Variants in VPS33A observed in about 807,000 individuals in gnomAD.
VPS33A encodes VPS33A core subunit of CORVET and HOPS complexes, also known as vacuolar protein sorting-associated protein 33A.
In VPS33A, 32 loss-of-function variants were observed where a neutral mutation model predicts 71.8. That is an observed-to-expected ratio of 0.45 (90% confidence interval 0.34 to 0.60). The LOEUF is 0.60. Among genes scored for constraint, VPS33A ranks in the 20% least tolerant of loss-of-function variants. The pLI is 0.02. For missense variants in VPS33A, 625 were observed against 748.5 expected (o/e 0.84, Z 1.92); for synonymous variants, 311 against 292.7 (o/e 1.06, Z -0.64).
Position 122,242,484 on chromosome 12 carries a change from C to G in VPS33A, c.994G>C (p.Gly332Arg), listed in dbSNP as rs1483794759. The G allele has an allele frequency of 6.2e-7, 1 of 1,613,870 alleles. No homozygotes were observed. The highest frequency in any genetic ancestry group is 1.7e-5 in the Admixed American group (1 of 59,980). The change falls in exon 8 of 13, where the codon GGG becomes CGG. Residue 332 changes from glycine to arginine, a missense_variant. Gly to Arg is a moderately radical substitution (Grantham distance 125). Transcript: ENST00000267199. The stretch of plus-strand genomic sequence containing the variant: ...TGGGAAACAAACTGCTTGATCTCCC[C>G]CACGGTCTTAGCATTGTGTCTTTCC... The part of the protein sequence containing the change: ...FEERHNAKTV[G>R]EIKQFVSQLP...
intron 9 of VPS33A, 79 bp from the exon 10 acceptor site, chr12:122,238,803 ACAC>A (rs1425861587): frequency 3.8e-6 from 4 of 1,058,302 alleles, no homozygotes; most frequent in South Asian, 1.7e-5. Flanking sequence ...ACACACACAC[ACAC>A]AATACATGGT....
chr12:122,241,301 CTTTT>C (rs980212846), intron 8 of VPS33A, among the ~76,000 whole-genome samples: 4 of 151,952 alleles, frequency 2.6e-5, no homozygotes, highest in African/African-American at 9.7e-5. Flanking sequence ...CTCTCTTTCT[CTTTT>C]TCTTTCTTTC....
At chr12:122,263,042 G>A (rs561947904) in intron 3 of VPS33A, among the ~76,000 whole-genome samples, 1 of 149,418 alleles carries the variant, frequency 6.7e-6, no homozygotes, top group East Asian at 2.0e-4. Context: ...GCCCAGGCTG[G>A]AGTGCAGTGG....
intron 4 of VPS33A, among the ~76,000 whole-genome samples, chr12:122,252,313 G>A (rs1270339950): frequency 2.0e-5 from 3 of 151,042 alleles, no homozygotes; most frequent in Non-Finnish European, 4.4e-5. Context: ...CTGTCGCCCT[G>A]GCTGGAGTGC....
chr12:122,239,747 CTCA>C lies in VPS33A; in HGVS notation c.1164+128_1164+130del, dbSNP rs1230160402. The C allele has an allele frequency of 6.0e-4, 193 of 324,048 alleles. 7 individuals carry two copies. The highest frequency in any genetic ancestry group is 1.0e-3 in the African/African-American group (18 of 17,216). The allele number at this position is 324,048 out of a possible 1,614,324, so 20.1% of individuals were successfully genotyped here. A position where few individuals can be genotyped will look rare whatever the true frequency, so the allele number is the denominator to read the frequency against. ...TGGGTGACACACAGTGAGACTCCGT[CTCA>C]AAAAAAAAAAAAAAAAAAAAAAAAA... On this transcript the variant is annotated intron_variant, in intron 9 of 12. Transcript: ENST00000267199.
intron 11 of VPS33A, among the ~76,000 whole-genome samples, chr12:122,233,744 T>C (rs975812971): frequency 6.6e-6 from 1 of 152,160 alleles, no homozygotes; most frequent in Non-Finnish European, 1.5e-5. Flanking sequence ...ATCTGTTAAA[T>C]CATTAAATAA....
At chr12:122,246,089 A>G (rs555410865) in intron 6 of VPS33A, among the ~76,000 whole-genome samples, 1 of 152,266 alleles carries the variant, frequency 6.6e-6, no homozygotes, top group African/African-American at 2.4e-5. Context: ...GATGGCATGG[A>G]GCTGGTGTAA....
chr12:122,244,495 G>T, intron 7 of VPS33A, 74 bp downstream of exon 7: 1 of 1,314,968 alleles, frequency 7.6e-7, no homozygotes, highest in Non-Finnish European at 1.0e-6. Context: ...TATTTTTGGA[G>T]CTCTTATTCC....
intron 6 of VPS33A, among the ~76,000 whole-genome samples, chr12:122,245,256 G>C (rs1347965270): frequency 6.6e-6 from 1 of 151,852 alleles, no homozygotes; most frequent in African/African-American, 2.4e-5. Context: ...TGGTGGCTTC[G>C]TTTTATTTTT....
rs558903246 is a variant in VPS33A, at chr12:122,260,695, A to C, written c.483+566T>G. ...GTCTACATGATAAAAGACATTATAC[A>C]CAAAGTTAAGCCAGGCGCGGTGGCT... On this transcript the variant is annotated intron_variant, in intron 4 of 12. Transcript: ENST00000267199. Among the ~76,000 whole-genome samples the C allele has an allele frequency of 2.0e-5, 3 of 152,348 alleles. No individual in the cohort carries two copies. In the South Asian group the frequency reaches 6.2e-4, roughly 32 times the overall value.
Position 122,234,266 on chromosome 12 carries a change from C to CTT in VPS33A, c.1441-1300_1441-1299dup, listed in dbSNP as rs762447495. Among the ~76,000 whole-genome samples, 4 of 151,400 alleles carry CTT rather than the reference C, an allele frequency of 2.6e-5. 1 individual carries two copies. In the South Asian group the frequency reaches 6.3e-4, roughly 24 times the overall value. ...CCCTGATGGCCCTGCTTTTGCATAG[C>CTT]TTTTTTTTTCCCTTTTTCTTTTTCT... On this transcript the variant is annotated intron_variant, in intron 11 of 12. Transcript: ENST00000267199.
chr12:122,242,778 T>C (rs1954732357), intron 7 of VPS33A, among the ~76,000 whole-genome samples: 1 of 152,160 alleles, frequency 6.6e-6, no homozygotes, highest in South Asian at 2.1e-4. Flanking sequence ...GGTCTCGAAC[T>C]CCTGACCTCA....
Position 122,264,053 on chromosome 12 carries a change from A to G in VPS33A, c.168+81T>C, listed in dbSNP as rs938162703. The stretch of plus-strand genomic sequence containing the variant: ...AAACAGCTTTGCAAACCAATGATTC[A>G]GGAAGAAATATAAAATCCTATTGTA... On this transcript the variant is annotated intron_variant, in intron 2 of 12. Transcript: ENST00000267199. 1.4e-5 allele frequency: 18 copies of G among 1,241,994 alleles called. No homozygotes were observed. In the African/African-American group the frequency reaches 2.5e-4, roughly 18 times the overall value. 76.9% of individuals were successfully genotyped at this position (1,241,994 alleles called of 1,614,324 possible). A position where few individuals can be genotyped will look rare whatever the true frequency, so the allele number is the denominator to read the frequency against.
chr12:122,233,097 C>A (rs924048141), intron 11 of VPS33A, 129 bp from the exon 12 acceptor site: 19 of 1,060,686 alleles, frequency 1.8e-5, no homozygotes, highest in Middle Eastern at 3.3e-4. Context: ...CCCTGCCATG[C>A]CTTGTTCTAA....
intron 4 of VPS33A, among the ~76,000 whole-genome samples, chr12:122,257,463 G>C (rs1954934503): frequency 6.7e-6 from 1 of 149,554 alleles, no homozygotes; most frequent in Non-Finnish European, 1.5e-5. Flanking sequence ...CCGGGCGCAG[G>C]TGGAAGCTCA....
chr12:122,233,545 G>T (rs1214291838), intron 11 of VPS33A, among the ~76,000 whole-genome samples: 1 of 152,150 alleles, frequency 6.6e-6, no homozygotes, highest in Non-Finnish European at 1.5e-5. Context: ...CATATTGGGG[G>T]GAACTTGGCA....
intron 4 of VPS33A, among the ~76,000 whole-genome samples, chr12:122,259,089 C>T (rs1404087994): frequency 1.3e-5 from 2 of 151,606 alleles, no homozygotes; most frequent in African/African-American, 4.9e-5. Context: ...GGTACAGCTT[C>T]AGTGCAAAAG....
At chr12:122,251,845 G>C (rs1468964317) in intron 4 of VPS33A, among the ~76,000 whole-genome samples, 6 of 150,874 alleles carry the variant, frequency 4.0e-5, no homozygotes, top group Admixed American at 2.0e-4. Context: ...AATGGGTGCA[G>C]CACACCAACA....
rs1301897942 is a variant in VPS33A, at chr12:122,258,444, T to C, written c.483+2817A>G. The stretch of plus-strand genomic sequence containing the variant: ...GAACTCACAGAACAAAAGAAAATAC[T>C]TGGAAATCATGTATCTGAGGAGAGA... On this transcript the variant is annotated intron_variant, in intron 4 of 12. Transcript: ENST00000267199. Among the ~76,000 whole-genome samples, 4 of 151,898 alleles carry C rather than the reference T, an allele frequency of 2.6e-5. No individual in the cohort carries two copies. The East Asian group carries it at 7.7e-4, about 29-fold the overall frequency.
Sources: gnomAD v4.1 joint callset for allele counts (sites outside exome capture counted in the v4.1 genomes callset) on GRCh38, gnomAD v4.1.1 for gene constraint, MANE v1.5 for transcripts, NCBI Gene and HGNC (gene_info 2026-07-23, HGNC 2026-07-21) for gene names.